KIAA0825: variants seen among roughly 807,000 people sequenced by gnomAD.
The protein encoded by KIAA0825 is KIAA0825, also known as uncharacterized protein KIAA0825.
In KIAA0825, 119 loss-of-function variants were observed where a neutral mutation model predicts 147.6. The ratio of observed to expected loss-of-function variants is 0.81; its 90% CI spans 0.69 to 0.94. The LOEUF (loss-of-function observed/expected upper bound fraction) is 0.94. KIAA0825 is among the 40% of genes least tolerant of loss of function. The pLI is 0.00. For missense variants in KIAA0825, 1,381 were observed against 1,472.7 expected, an observed-to-expected ratio of 0.94 and a Z score of 1.02; for synonymous variants, 470 against 518.1, an observed-to-expected ratio of 0.91 and a Z score of 1.26.
In KIAA0825 at chr5:94,199,590, TGGG is replaced by T. The variant is rs547983000; in HGVS notation, c.3711-45469_3711-45467del. 1.8e-4 allele frequency among the ~76,000 whole-genome samples: 28 copies of T among 151,756 alleles called. 1 individual carries two copies. The South Asian group carries it at 4.2e-3, about 23-fold the overall frequency. ...GGTGTGTGTACACCAGTGGGGAAGTTGGGGGACCACACACACGTACAATAGTGG... is the reference window on the plus strand; with the variant it reads ...GGTGTGTGTACACCAGTGGGGAAGTTGGACCACACACACGTACAATAGTGG... On this transcript the variant is annotated intron_variant, in intron 20 of 20. Coordinates refer to ENST00000682413, the MANE Select transcript of KIAA0825 (RefSeq NM_001145678.3).
In KIAA0825 at chr5:94,151,518, A is replaced by G. The variant is rs1766499420; in HGVS notation, c.*2489T>C. Among the ~76,000 whole-genome samples the G allele has an allele frequency of 6.6e-6, 1 of 151,974 alleles. No individual in the cohort carries two copies. The highest frequency in any genetic ancestry group is 2.4e-5 in the African/African-American group (1 of 41,412). ...CTTGTCACCTAATACTCTCAATTAT[A>G]AACTTTATTGCACTTATGGCTATAA... is the stretch of plus-strand genomic sequence containing the variant. On this transcript the variant is annotated 3_prime_UTR_variant, in exon 21 of 21. Transcript: ENST00000682413.
intron 20 of KIAA0825, among the ~76,000 whole-genome samples, chr5:94,221,847 T>C (rs1248393297): frequency 1.3e-5 from 2 of 152,196 alleles, no homozygotes; most frequent in East Asian, 1.9e-4. Context: ...TGGTGAAATC[T>C]ATTTTCTCTC....
intron 3 of KIAA0825, among the ~76,000 whole-genome samples, chr5:94,525,171 T>C (rs981859743): frequency 2.0e-5 from 3 of 151,886 alleles, no homozygotes; most frequent in Non-Finnish European, 4.4e-5. Context: ...AAAGATTTGA[T>C]ACTAAGAGGT....
intron 13 of KIAA0825, among the ~76,000 whole-genome samples, chr5:94,443,837 G>T (rs1757410173): frequency 6.6e-6 from 1 of 152,166 alleles, no homozygotes; most frequent in Admixed American, 6.6e-5. Context: ...CTGCAGTAGG[G>T]TTCACACTGG....
intron 20 of KIAA0825, among the ~76,000 whole-genome samples, chr5:94,231,693 A>G (rs779089082): frequency 3.6e-4 from 54 of 152,094 alleles, no homozygotes; most frequent in Non-Finnish European, 3.4e-4. Context: ...ATCATTACGT[A>G]TCTGGATGGA....
intron 16 of KIAA0825, among the ~76,000 whole-genome samples, chr5:94,400,260 C>G (rs1271086020): frequency 6.6e-6 from 1 of 152,082 alleles, no homozygotes; most frequent in Non-Finnish European, 1.5e-5. Flanking sequence ...GAAAAGCATT[C>G]AAGAGTCACT....
At position 94,172,736 on chromosome 5, in the gene KIAA0825, C is replaced by T. The variant is rs760584432; in HGVS notation, c.3711-18612G>A. ...AACATCTATGGACCTACTATACTTA[C>T]GGTCTGCTTTTCGTTGCTCAAATGC... On this transcript the variant is annotated intron_variant, in intron 20 of 20. Transcript: ENST00000682413. Among the ~76,000 whole-genome samples the T allele has an allele frequency of 9.2e-5, 14 of 151,990 alleles. 2 individuals are homozygous for T. The highest frequency in any genetic ancestry group is 2.1e-4 in the Non-Finnish European group (14 of 67,988).
rs184941484 is a variant in KIAA0825, at chr5:94,236,559, C to T, written c.3711-82435G>A. Among the ~76,000 whole-genome samples the T allele has an allele frequency of 1.7e-3, 252 of 152,262 alleles. 2 individuals carry two copies. The highest frequency in any genetic ancestry group is 1.4e-3 in the Non-Finnish European group (92 of 68,032). On this transcript the variant is annotated intron_variant, in intron 20 of 20. Coordinates refer to ENST00000682413, the MANE Select transcript of KIAA0825 (RefSeq NM_001145678.3). The stretch of plus-strand genomic sequence containing the variant: ...ATAAATTTAGTTGAGAAGGCAGTGG[C>T]AGGGTTTGAGAGGATTAAGTTCAAT...
intron 5 of KIAA0825, among the ~76,000 whole-genome samples, chr5:94,499,161 G>C (rs979667027): frequency 4.6e-5 from 7 of 152,170 alleles, no homozygotes; most frequent in Non-Finnish European, 4.4e-5. Flanking sequence ...AGCTGGGATG[G>C]AGAGTGGGAC....
At chr5:94,276,122 G>C (rs1777212777) in intron 20 of KIAA0825, among the ~76,000 whole-genome samples, 1 of 152,086 alleles carries the variant, frequency 6.6e-6, no homozygotes, top group Non-Finnish European at 1.5e-5. Context: ...CAGGAAAAGT[G>C]AAATATCTTT....
At chr5:94,540,104 C>A (rs893881297) in intron 2 of KIAA0825, among the ~76,000 whole-genome samples, 1 of 152,144 alleles carries the variant, frequency 6.6e-6, no homozygotes, top group African/African-American at 2.4e-5. Context: ...CCTTCCCCAC[C>A]CCGCCTGAGG....
chr5:94,597,013 T>C (rs574320795), intron 1 of KIAA0825, among the ~76,000 whole-genome samples: 89 of 152,318 alleles, frequency 5.8e-4, no homozygotes, highest in African/African-American at 1.9e-3. Flanking sequence ...TAAAATCATG[T>C]CATCTGCAAA....
chr5:94,267,617 C>A (rs773669176), intron 20 of KIAA0825, among the ~76,000 whole-genome samples: 3 of 152,122 alleles, frequency 2.0e-5, no homozygotes, highest in Non-Finnish European at 4.4e-5. Context: ...TATTAGACTT[C>A]GTCATATCAA....
At chr5:94,385,657 C>T (rs1240086418) in intron 19 of KIAA0825, among the ~76,000 whole-genome samples, 2 of 152,136 alleles carry the variant, frequency 1.3e-5, no homozygotes, top group East Asian at 1.9e-4. Context: ...GCGGCTTAGA[C>T]GATGGCATAA....
chr5:94,506,618 A>G (rs1365078214), intron 5 of KIAA0825, among the ~76,000 whole-genome samples: 1 of 152,200 alleles, frequency 6.6e-6, no homozygotes, highest in Non-Finnish European at 1.5e-5. Context: ...AATTTTGTCC[A>G]TGGTTTTCAA....
intron 20 of KIAA0825, among the ~76,000 whole-genome samples, chr5:94,343,128 A>T (rs977320791): frequency 3.9e-5 from 6 of 152,328 alleles, no homozygotes; most frequent in Non-Finnish European, 8.8e-5. Context: ...AGCTTGGAAG[A>T]CCAAGCCAAG....
In KIAA0825 at chr5:94,465,075, C is replaced by T; in HGVS notation, c.1873-16G>A. ...ATCTTTCCCCCTGGCAAAGCCAGCA[C>T]ACGTTAAACCATAGAGTTACATCTT... On this transcript the variant is annotated splice_polypyrimidine_tract_variant and intron_variant, in intron 10 of 20. Transcript: ENST00000682413. The T allele has an allele frequency of 6.5e-7, 1 of 1,548,048 alleles. No individual in the cohort carries two copies. Among genetic ancestry groups the T allele is most frequent in the African/African-American group, 1.4e-5 (1 of 73,050 alleles).
intron 20 of KIAA0825, among the ~76,000 whole-genome samples, chr5:94,226,051 G>A (rs962077368): frequency 3.3e-5 from 5 of 152,146 alleles, no homozygotes; most frequent in African/African-American, 1.2e-4. Context: ...CACAGCAAAA[G>A]AAACTATCAT....
At chr5:94,422,182 T>C (rs935364787) in intron 14 of KIAA0825, among the ~76,000 whole-genome samples, 5 of 152,182 alleles carry the variant, frequency 3.3e-5, no homozygotes, top group African/African-American at 1.2e-4. Context: ...ACTGCCCTTT[T>C]ACCCTGAAGC....
Sources: gnomAD v4.1 joint callset for allele counts (sites outside exome capture counted in the v4.1 genomes callset) on GRCh38, gnomAD v4.1.1 for gene constraint, MANE v1.5 for transcripts, NCBI Gene and HGNC (gene_info 2026-07-23, HGNC 2026-07-21) for gene names.